DCC: variants seen among roughly 807,000 people sequenced by gnomAD.
DCC encodes the protein DCC netrin 1 receptor, also known as netrin receptor DCC.
DCC carries 58 observed loss-of-function variants against 172.5 expected under a neutral mutation model. The ratio of observed to expected loss-of-function variants is 0.34; its 90% CI spans 0.27 to 0.42. The LOEUF is 0.42. Among genes scored for constraint, DCC ranks in the 10% least tolerant of loss-of-function variants. The pLI, the probability that DCC is intolerant of heterozygous loss-of-function variation, is 1.00. For synonymous variants in DCC, 709 were observed against 644.5 expected (o/e 1.10, Z -1.52); for missense variants, 1,740 against 1,791.0 (o/e 0.97, Z 0.51).
Position 52,610,170 on chromosome 18 carries a change from AAAAAAAAAATATATATATATATATAT to A in DCC, c.92-141882_92-141857del, listed in dbSNP as rs1312533132. Reference sequence around the variant, plus strand: ...CTCTCATAAAAAAAAAAAAAAAAAAAAAAAAAAAATATATATATATATATATATATATATATATATATATATATATA... The same window carrying A: ...CTCTCATAAAAAAAAAAAAAAAAAAAATATATATATATATATATATATATA... On this transcript the variant is annotated intron_variant, in intron 1 of 28. Coordinates refer to ENST00000442544, the MANE Select transcript of DCC (RefSeq NM_005215.4). 4.3e-3 allele frequency among the ~76,000 whole-genome samples: 107 copies of A among 24,620 alleles called. 3 individuals carry two copies. The highest frequency in any genetic ancestry group is 9.7e-3 in the African/African-American group (57 of 5,882). The allele number at this position is 24,620 out of a possible 152,430, so 16.2% of individuals were successfully genotyped here.
chr18:52,717,630 C>T (rs1201068802), intron 1 of DCC, among the ~76,000 whole-genome samples: 2 of 151,914 alleles, frequency 1.3e-5, no homozygotes, highest in African/African-American at 4.8e-5. Context: ...CTCAAAACTA[C>T]CTTTATATGT....
intron 2 of DCC, among the ~76,000 whole-genome samples, chr18:52,873,622 C>T (rs1442197545): frequency 6.6e-6 from 1 of 152,036 alleles, no homozygotes; most frequent in Non-Finnish European, 1.5e-5. Context: ...TGTGATTCAC[C>T]AAGGGGGTAA....
chr18:53,063,369 T>A lies in DCC; in HGVS notation c.1050T>A (p.Phe350Leu). ...CCTATGAAAGCATGGATATTGAGTT[T>A]GAATGTACAGTCTCTGGAAAGCCTG... ...LYAYESMDIEFECTVSGKPVP... is the reference protein window; with the variant it reads ...LYAYESMDIELECTVSGKPVP... The change falls in exon 6 of 29, where the codon TTT becomes TTA. Residue 350 changes from phenylalanine to leucine, a missense_variant. Coordinates refer to ENST00000442544, the MANE Select transcript of DCC (RefSeq NM_005215.4). The A allele has an allele frequency of 6.2e-7, 1 of 1,613,372 alleles. No individual in the cohort carries two copies. Among genetic ancestry groups the A allele is most frequent in the Non-Finnish European group, 8.5e-7 (1 of 1,179,408 alleles).
intron 26 of DCC, among the ~76,000 whole-genome samples, chr18:53,493,134 T>C (rs189369809): frequency 6.6e-6 from 1 of 152,306 alleles, no homozygotes; most frequent in East Asian, 1.9e-4. Flanking sequence ...TTGTCTGTTA[T>C]TGATGTATAG....
At chr18:53,511,295 G>A (rs1222010388) in intron 27 of DCC, among the ~76,000 whole-genome samples, 1 of 152,214 alleles carries the variant, frequency 6.6e-6, no homozygotes, top group Admixed American at 6.5e-5. Flanking sequence ...AGGAGTAGGT[G>A]GAAGACCTCT....
chr18:52,965,905 C>T (rs1045016188), intron 5 of DCC, among the ~76,000 whole-genome samples: 1 of 152,122 alleles, frequency 6.6e-6, no homozygotes, highest in Non-Finnish European at 1.5e-5. Flanking sequence ...TACCCATGGG[C>T]ATCTTCCTTT....
chr18:53,174,267 G>T (rs1415675103), intron 8 of DCC, among the ~76,000 whole-genome samples: 4 of 142,998 alleles, frequency 2.8e-5, no homozygotes, highest in East Asian at 2.1e-4. Flanking sequence ...ACAATTAAAA[G>T]AACTAGAAAA....
intron 1 of DCC, among the ~76,000 whole-genome samples, chr18:52,708,889 G>A (rs1284127319): frequency 6.6e-6 from 1 of 152,120 alleles, no homozygotes; most frequent in Non-Finnish European, 1.5e-5. Context: ...CCCTGGCCTG[G>A]GAGCTCTTTC....
chr18:52,791,413 G>A (rs754666244), intron 2 of DCC, among the ~76,000 whole-genome samples: 8 of 151,930 alleles, frequency 5.3e-5, no homozygotes, highest in Non-Finnish European at 1.0e-4. Flanking sequence ...TCCTTTTGGT[G>A]TGACCCAGAG....
rs1555682028 is a variant in DCC at position 53,517,449 on chromosome 18, A to AATAATG, written c.4112-9163_4112-9162insGATAAT. Among the ~76,000 whole-genome samples the AATAATG allele has an allele frequency of 2.2e-3, 311 of 140,826 alleles. 1 individual carries two copies. Among genetic ancestry groups the AATAATG allele is most frequent in the African/African-American group, 8.4e-3 (298 of 35,598 alleles). 92.4% of individuals were successfully genotyped at this position (140,826 alleles called of 152,430 possible). ...TGTACCCTAAAACTTAAAATATAAT[A>AATAATG]ATAATAATAATAATAATAATAATAA... On this transcript the variant is annotated intron_variant, in intron 27 of 28. Transcript: ENST00000442544.
At chr18:53,138,856 G>A (rs2043787880) in intron 7 of DCC, among the ~76,000 whole-genome samples, 1 of 152,054 alleles carries the variant, frequency 6.6e-6, no homozygotes, top group Non-Finnish European at 1.5e-5. Context: ...TTTAATTGAT[G>A]CATTTTTCTC....
chr18:52,675,583 C>T (rs57724684), intron 1 of DCC, among the ~76,000 whole-genome samples: 6,603 of 152,238 alleles, frequency 0.043, 258 homozygotes, highest in East Asian at 0.18. Flanking sequence ...CTTCTGAGGA[C>T]CGTGTCATGG....
intron 8 of DCC, among the ~76,000 whole-genome samples, chr18:53,162,139 A>G (rs1298834309): frequency 6.6e-6 from 1 of 152,030 alleles, no homozygotes; most frequent in Non-Finnish European, 1.5e-5. Context: ...TTTCCACTAA[A>G]CATACAAAAA....
chr18:52,907,161 C>T (rs907689744), intron 3 of DCC, among the ~76,000 whole-genome samples: 1 of 148,762 alleles, frequency 6.7e-6, no homozygotes, highest in Non-Finnish European at 1.5e-5. Context: ...ATACATATAT[C>T]ATATATATCA....
intron 1 of DCC, among the ~76,000 whole-genome samples, chr18:52,531,469 C>T (rs1173094700): frequency 6.6e-6 from 1 of 152,078 alleles, no homozygotes; most frequent in East Asian, 1.9e-4. Context: ...GAAAGTAAGG[C>T]AATATATTCA....
intron 2 of DCC, among the ~76,000 whole-genome samples, chr18:52,891,440 G>C (rs2145421874): frequency 6.6e-6 from 1 of 152,138 alleles, no homozygotes. Flanking sequence ...CCACATATTA[G>C]GTTGTTTAAA....
intron 1 of DCC, among the ~76,000 whole-genome samples, chr18:52,741,784 C>T (rs4578764): frequency 0.25 from 37,342 of 151,986 alleles, 5,337 homozygotes; most frequent in South Asian, 0.36. Flanking sequence ...CTCGTCACAC[C>T]TGCCTGGGTG....
intron 2 of DCC, among the ~76,000 whole-genome samples, chr18:52,850,381 C>T (rs1377701894): frequency 6.6e-6 from 1 of 152,124 alleles, no homozygotes; most frequent in Non-Finnish European, 1.5e-5. Flanking sequence ...TGAAGTCTCT[C>T]CCCCAACTGT....
At chr18:53,265,716 C>T (rs569679523) in intron 12 of DCC, among the ~76,000 whole-genome samples, 89 of 152,322 alleles carry the variant, frequency 5.8e-4, no homozygotes, top group Middle Eastern at 6.8e-3. Context: ...GATGATGCAA[C>T]AGACATTCTC....
Sources: gnomAD v4.1 joint callset for allele counts (sites outside exome capture counted in the v4.1 genomes callset) on GRCh38, gnomAD v4.1.1 for gene constraint, MANE v1.5 for transcripts, NCBI Gene and HGNC (gene_info 2026-07-23, HGNC 2026-07-21) for gene names.